MYO16: variants seen among roughly 807,000 people sequenced by gnomAD.
The protein encoded by MYO16 is myosin XVI.
MYO16 carries 94 observed loss-of-function variants against 205.3 expected under a neutral mutation model. The observed-to-expected ratio is 0.46, with a 90% confidence interval of 0.39 to 0.54. The LOEUF is 0.54. Ranked by LOEUF, MYO16 falls within the 20% of genes least tolerant of loss-of-function variation. MYO16 has a pLI of 0.00. For synonymous variants in MYO16, 988 were observed against 954.0 expected, an observed-to-expected ratio of 1.04 and a Z score of -0.66; for missense variants, 2,315 against 2,387.5, an observed-to-expected ratio of 0.97 and a Z score of 0.63.
chr13:109,076,144 T>C (rs1387808032), intron 27 of MYO16, among the ~76,000 whole-genome samples: 1 of 152,194 alleles, frequency 6.6e-6, no homozygotes, highest in Non-Finnish European at 1.5e-5. Context: ...TTTTTTTCTT[T>C]GCCAGTCTTG....
At position 109,127,545 on chromosome 13, in the gene MYO16, A is replaced by G; in HGVS notation, c.4046A>G (p.Asn1349Ser). The change falls in exon 31 of 35, where the codon AAC becomes AGC. Residue 1349 changes from asparagine (N) to serine (S), a missense_variant. Physicochemically the swap from Asn to Ser is conservative, Grantham distance 46. Around this residue, in one of 3 missense-constraint regions of MYO16, gnomAD observed 1,097 missense variants for 1,092.0 expected, o/e 1.00. Transcript: ENST00000457511. The surrounding 1 kb of genome is among the most constrained non-coding windows in gnomAD (Gnocchi z 4.2). ...CTCTCCGCGGCCAGGGAAGCGGCCA[A>G]CGAAGGTCAGCCCTGGGGAGGGACC... ...ACLSAAREAA[N>S]EALARPRPHS... 2 of 1,609,706 alleles carry G rather than the reference A, an allele frequency of 1.2e-6. No homozygotes were observed. The highest frequency in any genetic ancestry group is 1.7e-6 in the Non-Finnish European group (2 of 1,179,754).
At position 109,011,202 on chromosome 13, in the gene MYO16, G is replaced by A. The variant is rs371038479; in HGVS notation, c.2595+2153G>A. 3.3e-5 allele frequency among the ~76,000 whole-genome samples: 5 copies of A among 152,038 alleles called. No homozygotes were observed. In the East Asian group the frequency reaches 7.8e-4, roughly 24 times the overall value. On this transcript the variant is annotated intron_variant, in intron 22 of 34. Transcript: ENST00000457511. The stretch of plus-strand genomic sequence containing the variant: ...GAGGTGGGTTAGCTTGCTTTTGCAG[G>A]CATTCCTACTTCCTTCCTAGTGGCA...
intron 20 of MYO16, among the ~76,000 whole-genome samples, chr13:108,983,471 A>G (rs756233049): frequency 2.9e-4 from 44 of 152,226 alleles, no homozygotes; most frequent in Non-Finnish European, 8.8e-5. Context: ...ACAAAGTCCA[A>G]TGGACTGAAA....
intron 11 of MYO16, among the ~76,000 whole-genome samples, chr13:108,859,194 CTCTT>C (rs1369383950): frequency 6.6e-6 from 1 of 152,106 alleles, no homozygotes; most frequent in Admixed American, 6.6e-5. Flanking sequence ...GTCTGTCTCT[CTCTT>C]TCTATCATGC....
At chr13:108,623,464 A>G (rs977741448) in intron 1 of MYO16, among the ~76,000 whole-genome samples, 5 of 152,152 alleles carry the variant, frequency 3.3e-5, no homozygotes, top group Admixed American at 6.6e-5. Flanking sequence ...TTGCAGCCAG[A>G]TCTCCCTATG....
intron 4 of MYO16, among the ~76,000 whole-genome samples, chr13:108,754,898 T>G (rs1404438596): frequency 6.6e-6 from 1 of 152,140 alleles, no homozygotes; most frequent in Non-Finnish European, 1.5e-5. Flanking sequence ...AACATTCCTG[T>G]GTTAGGAAAA....
At chr13:108,581,880 GA>G in the MYO16 span, among the ~76,000 whole-genome samples, 71 of 99,852 alleles carry the variant, frequency 7.1e-4, no homozygotes, top group East Asian at 3.4e-3. Flanking sequence ...ACGCTGTCTC[GA>G]AAAAAAAAAA....
chr13:108,902,614 C>G (rs368540642), intron 15 of MYO16, among the ~76,000 whole-genome samples: 4 of 152,144 alleles, frequency 2.6e-5, no homozygotes, highest in East Asian at 1.9e-4. Flanking sequence ...GGGGGACCTC[C>G]CCTGCCCATT....
upstream of MYO16, among the ~76,000 whole-genome samples, chr13:108,628,431 G>A (rs1879830974): frequency 1.3e-5 from 2 of 152,110 alleles, no homozygotes; most frequent in African/African-American, 2.4e-5. Flanking sequence ...GAAATTTTAT[G>A]TGCATTATTT....
intron 23 of MYO16, among the ~76,000 whole-genome samples, chr13:109,023,939 G>A (rs1594480663): frequency 2.2e-5 from 3 of 137,274 alleles, no homozygotes; most frequent in Admixed American, 1.5e-4. Flanking sequence ...TATAAAATAT[G>A]AATATATGTA....
chr13:108,980,559 G>A (rs570779847), intron 20 of MYO16, among the ~76,000 whole-genome samples: 1 of 151,966 alleles, frequency 6.6e-6, no homozygotes, highest in Non-Finnish European at 1.5e-5. Context: ...GTCTGTCCCC[G>A]AAAAAAACAC....
intron 18 of MYO16, 40 bp downstream of exon 18, chr13:108,961,696 G>A: frequency 6.7e-7 from 1 of 1,495,122 alleles, no homozygotes; most frequent in East Asian, 2.3e-5. Flanking sequence ...CCACATTGAT[G>A]TGCAATTTTG....
At chr13:108,664,077 AC>A (rs1881619276) in intron 1 of MYO16, among the ~76,000 whole-genome samples, 1 of 152,212 alleles carries the variant, frequency 6.6e-6, no homozygotes, top group South Asian at 2.1e-4. Flanking sequence ...TCGTTTCAGA[AC>A]CACTGTTGTC....
intron 20 of MYO16, among the ~76,000 whole-genome samples, chr13:108,967,628 T>C (rs916412535): frequency 1.3e-5 from 2 of 152,196 alleles, no homozygotes; most frequent in Non-Finnish European, 2.9e-5. Context: ...TGAAACACAC[T>C]GAAATTTTAT....
chr13:108,516,125 G>A, the MYO16 span, among the ~76,000 whole-genome samples: 2 of 151,746 alleles, frequency 1.3e-5, no homozygotes, highest in South Asian at 2.1e-4. Flanking sequence ...AGCAATCAGC[G>A]CGATTCCGTG....
chr13:108,889,091 T>C (rs1880042408), intron 14 of MYO16, among the ~76,000 whole-genome samples: 1 of 151,646 alleles, frequency 6.6e-6, no homozygotes, highest in African/African-American at 2.4e-5. Flanking sequence ...CACTTTGGTG[T>C]GTTAGGACAT....
the MYO16 span, among the ~76,000 whole-genome samples, chr13:108,573,123 C>A: frequency 2.0e-5 from 3 of 152,290 alleles, no homozygotes; most frequent in South Asian, 4.1e-4. Context: ...TTCCATGAGT[C>A]AAAGCAAATG....
At chr13:108,546,271 C>T in the MYO16 span, among the ~76,000 whole-genome samples, 8 of 152,058 alleles carry the variant, frequency 5.3e-5, no homozygotes, top group East Asian at 5.8e-4. Flanking sequence ...GCGTTCTGAG[C>T]GCATCATTTC....
At chr13:108,599,256 G>A (rs558685782) in intron 1 of MYO16, among the ~76,000 whole-genome samples, 271 of 149,666 alleles carry the variant, frequency 1.8e-3, no homozygotes, top group African/African-American at 6.6e-3. Context: ...GGACATTTGG[G>A]TTGGTTCCAA....
Sources: allele counts gnomAD v4.1 joint callset (sites outside exome capture counted in the v4.1 genomes callset), GRCh38; gene constraint gnomAD v4.1.1; regional missense constraint gnomAD v4.1.1; non-coding constraint Gnocchi (gnomAD v3.1); transcripts MANE v1.5; gene names NCBI Gene and HGNC (gene_info 2026-07-23, HGNC 2026-07-21).